Variants in NOM1 observed in about 807,000 individuals in gnomAD.
NOM1 encodes the protein nucleolar protein with MIF4G domain 1, also known as nucleolar MIF4G domain-containing protein 1.
A neutral mutation model predicts 73.3 loss-of-function variants in NOM1; 58 were observed. That is an observed-to-expected ratio of 0.79 (90% confidence interval 0.64 to 0.99). The LOEUF (loss-of-function observed/expected upper bound fraction) is 0.99. Among genes scored for constraint, NOM1 ranks in the 50% least tolerant of loss-of-function variants. The pLI is 0.00. For missense variants in NOM1, 1,226 were observed against 1,131.9 expected (o/e 1.08, Z -1.19); for synonymous variants, 487 against 446.8 (o/e 1.09, Z -1.14).
Position 156,964,003 on chromosome 7 carries a change from G to C in NOM1, c.2010G>C (p.Leu670Phe). 6.2e-7 allele frequency: 1 copy of C among 1,613,714 alleles called. No individual in the cohort carries two copies. The highest frequency in any genetic ancestry group is 8.5e-7 in the Non-Finnish European group (1 of 1,179,802). ...FCTIMTSEDF[L>F]DAFEKLLKLG... Reference sequence around the variant, plus strand: ...CAATAATGACAAGTGAAGATTTTTTGGATGCTTTTGAAAAGCTTCTGAAGT... The same window carrying C: ...CAATAATGACAAGTGAAGATTTTTTCGATGCTTTTGAAAAGCTTCTGAAGT... Residue 670 changes from leucine to phenylalanine, a missense_variant, in exon 7 of 11, where the codon TTG becomes TTC. Coordinates refer to ENST00000275820, the MANE Select transcript of NOM1 (RefSeq NM_138400.2).
chr7:156,966,466 C>T, intron 8 of NOM1, 64 bp downstream of exon 8: 1 of 1,583,350 alleles, frequency 6.3e-7, no homozygotes, highest in Non-Finnish European at 8.6e-7. Flanking sequence ...GGCTACCTGG[C>T]TCAACCCACC....
At chr7:156,968,327 C>A (rs1010533882) in intron 9 of NOM1, among the ~76,000 whole-genome samples, 1 of 152,132 alleles carries the variant, frequency 6.6e-6, no homozygotes, top group African/African-American at 2.4e-5. Context: ...TAGAGATGCC[C>A]CCCGCCCTGC....
chr7:156,961,939 G>A (rs184482597), intron 4 of NOM1, among the ~76,000 whole-genome samples: 12 of 152,154 alleles, frequency 7.9e-5, no homozygotes, highest in African/African-American at 1.2e-4. Flanking sequence ...CCCACTTGAC[G>A]TTGGGGGACA....
chr7:156,961,098 G>C (rs1463059047), intron 4 of NOM1, among the ~76,000 whole-genome samples: 6 of 152,166 alleles, frequency 3.9e-5, no homozygotes, highest in Non-Finnish European at 8.8e-5. Flanking sequence ...GGGGGTCCTG[G>C]GAGCCATGGA....
chr7:156,963,985 G>A lies in NOM1; in HGVS notation c.1992G>A (p.Met664Ile). The change falls in exon 7 of 11, where the codon ATG becomes ATA. Residue 664 changes from methionine to isoleucine, a missense_variant. Met to Ile is a conservative substitution (Grantham distance 10). Coordinates refer to ENST00000275820, the MANE Select transcript of NOM1 (RefSeq NM_138400.2). ...DIRRNIFCTI[M>I]TSEDFLDAFE... ...GGAGAAACATATTCTGCACAATAAT[G>A]ACAAGTGAAGATTTTTTGGATGCTT... The A allele has an allele frequency of 1.2e-6, 2 of 1,613,920 alleles. No individual in the cohort carries two copies. The highest frequency in any genetic ancestry group is 1.7e-6 in the Non-Finnish European group (2 of 1,179,876).
Position 156,963,182 on chromosome 7 carries a change from A to T in NOM1, c.1911+7A>T. On this transcript the variant is annotated splice_region_variant and intron_variant, in intron 6 of 10. Coordinates refer to ENST00000275820, the MANE Select transcript of NOM1 (RefSeq NM_138400.2). ...GAAGCAGCTTGTGGGGACGGTAGGG[A>T]CACCCATGCTCAAGGCTGCCAGGCA... 6.2e-7 allele frequency: 1 copy of T among 1,613,946 alleles called. No homozygotes were observed. Among genetic ancestry groups the T allele is most frequent in the South Asian group, 1.1e-5 (1 of 91,084 alleles).
In NOM1 at chr7:156,967,078, C is replaced by G; in HGVS notation, c.2284C>G (p.Leu762Val). 1 of 1,613,192 alleles carries G rather than the reference C, an allele frequency of 6.2e-7. No individual in the cohort carries two copies. The highest frequency in any genetic ancestry group is 8.5e-7 in the Non-Finnish European group (1 of 1,179,814). ...CTTGTTGAAGACAAAATCGCTTTCC[C>G]TTTCCATCTTAAAGGTTCGTGTAAC... Reference protein sequence around the residue: ...AHLLKTKSLSLSILKVVEFSE... With the variant: ...AHLLKTKSLSVSILKVVEFSE... Residue 762 changes from leucine to valine, a missense_variant, in exon 9 of 11, where the codon CTT becomes GTT. Physicochemically the swap from Leu to Val is conservative, Grantham distance 32 (BLOSUM62 1). Coordinates refer to ENST00000275820, the MANE Select transcript of NOM1 (RefSeq NM_138400.2).
chr7:156,963,122 C>T lies in NOM1; in HGVS notation c.1858C>T (p.Pro620Ser). Residue 620 changes from proline to serine, a missense_variant, in exon 6 of 11, where the codon CCG becomes TCG. Coordinates refer to ENST00000275820, the MANE Select transcript of NOM1 (RefSeq NM_138400.2). ...WIVGSAWSGA[P>S]MIDNSHHTHL... ...TGTGGGGTCCGCCTGGAGTGGGGCC[C>T]CGATGATCGACAACAGTCACCATAC... The T allele has an allele frequency of 6.2e-7, 1 of 1,614,146 alleles. No individual in the cohort carries two copies. The highest frequency in any genetic ancestry group is 1.1e-5 in the South Asian group (1 of 91,078).
chr7:156,954,198 C>T lies in NOM1; in HGVS notation c.1208C>T (p.Ala403Val). Residue 403 changes from alanine to valine, a missense_variant, in exon 3 of 11, where the codon GCT becomes GTT. Transcript: ENST00000275820. The stretch of plus-strand genomic sequence containing the variant: ...GACATGAATGACACCCTGACCTCCG[C>T]TCTCATGGGTGCCTGCGTCACTGCC... ...RKDMNDTLTS[A>V]LMGACVTASA... 6.2e-7 allele frequency: 1 copy of T among 1,613,940 alleles called. No individual in the cohort carries two copies. Among genetic ancestry groups the T allele is most frequent in the Admixed American group, 1.7e-5 (1 of 59,940 alleles).
intron 7 of NOM1, among the ~76,000 whole-genome samples, chr7:156,965,176 C>G (rs1279560387): frequency 6.6e-6 from 1 of 152,258 alleles, no homozygotes; most frequent in East Asian, 1.9e-4. Context: ...TGGTGCTCCT[C>G]TCCTGAGGTA....
In NOM1 at chr7:156,950,277, G is replaced by A. The variant is rs372998778; in HGVS notation, c.540G>A (p.Glu180=). The A allele has an allele frequency of 1.2e-6, 2 of 1,613,834 alleles. No homozygotes were observed. The highest frequency in any genetic ancestry group is 1.6e-4 in the Middle Eastern group (1 of 6,084). Reference sequence around the variant, plus strand: ...AACGGGCGCTTTTAGCGGCGAACGAGGAGGAGGACCGAGAGATCCGAAAGC... The same window carrying A: ...AACGGGCGCTTTTAGCGGCGAACGAAGAGGAGGACCGAGAGATCCGAAAGC... ...ARKRALLAAN[E]EEDREIRKLE... The change falls in exon 1 of 11, where the codon GAG becomes GAA. Residue 180 remains glutamate (E), a synonymous_variant. Transcript: ENST00000275820.
At chr7:156,962,366 C>G in intron 5 of NOM1, 105 bp downstream of exon 5, 1 of 934,146 alleles carries the variant, frequency 1.1e-6, no homozygotes, top group South Asian at 1.4e-5. Flanking sequence ...AGGGTGGTGT[C>G]TGGTGAGTGA....
In NOM1 at chr7:156,952,458, T is replaced by G. The variant is rs541083428; in HGVS notation, c.988-16T>G. 1.3e-6 allele frequency: 2 copies of G among 1,599,156 alleles called. No individual in the cohort carries two copies. The highest frequency in any genetic ancestry group is 1.1e-5 in the South Asian group (1 of 87,828). On this transcript the variant is annotated splice_polypyrimidine_tract_variant and intron_variant, in intron 1 of 10. Transcript: ENST00000275820. ...TCAGTGTAAATTTTTTGTAATTTATTTCTCTTTTCAAGCAGAGTCTTTGTG... is the reference window on the plus strand; with the variant it reads ...TCAGTGTAAATTTTTTGTAATTTATGTCTCTTTTCAAGCAGAGTCTTTGTG...
At chr7:156,967,737 C>G (rs542133251) in intron 9 of NOM1, among the ~76,000 whole-genome samples, 1 of 152,272 alleles carries the variant, frequency 6.6e-6, no homozygotes, top group African/African-American at 2.4e-5. Flanking sequence ...GTTGGCCAAG[C>G]TGGTCTGGAA....
Position 156,969,906 on chromosome 7 carries a change from A to G in NOM1, c.*203A>G, listed in dbSNP as rs1049931284. 1.3e-5 allele frequency: 6 copies of G among 444,450 alleles called. No homozygotes were observed. The highest frequency in any genetic ancestry group is 2.0e-5 in the African/African-American group (1 of 49,162). 27.5% of individuals were successfully genotyped at this position (444,450 alleles called of 1,614,324 possible). On this transcript the variant is annotated 3_prime_UTR_variant, in exon 11 of 11. Coordinates refer to ENST00000275820, the MANE Select transcript of NOM1 (RefSeq NM_138400.2). The stretch of plus-strand genomic sequence containing the variant: ...TTCAAATAACTATCTTGGGGGTGAG[A>G]GGAGAAGGAGGGAGGGAAAAGGGGT...
intron 1 of NOM1, among the ~76,000 whole-genome samples, chr7:156,951,322 G>A (rs1445937283): frequency 2.0e-5 from 3 of 152,144 alleles, no homozygotes; most frequent in African/African-American, 7.2e-5. Context: ...GGGAGGCAGA[G>A]GTTGCACTGA....
intron 3 of NOM1, among the ~76,000 whole-genome samples, chr7:156,957,507 G>A (rs748755297): frequency 6.6e-6 from 1 of 152,118 alleles, no homozygotes; most frequent in Admixed American, 6.5e-5. Context: ...CGGGTGTGGT[G>A]GCTCACGCCT....
At chr7:156,968,687 T>TTATATATATATATATATATA (rs6150414) in intron 9 of NOM1, 3 of 132,516 alleles carry the variant, frequency 2.3e-5, no homozygotes, top group African/African-American at 5.6e-5. Flanking sequence ...GAAGTAAATT[T>TTATATATATATATATATATA]TATATATATA....
chr7:156,962,467 G>A (rs1586572201), intron 5 of NOM1, among the ~76,000 whole-genome samples: 1 of 152,200 alleles, frequency 6.6e-6, no homozygotes, highest in African/African-American at 2.4e-5. Context: ...TCCGTGTGTG[G>A]GGAAGCCCAT....
Sources: allele counts gnomAD v4.1 joint callset (sites outside exome capture counted in the v4.1 genomes callset), GRCh38; gene constraint gnomAD v4.1.1; transcripts MANE v1.5; gene names NCBI Gene and HGNC (gene_info 2026-07-23, HGNC 2026-07-21).